Variants in ZNF888 observed in about 807,000 individuals in gnomAD.
The protein encoded by ZNF888 is CTD-2331H12.6.
Under a neutral mutation model 7.2 loss-of-function variants are expected in ZNF888, and 5 were observed. The ratio of observed to expected loss-of-function variants is 0.70; its 90% CI spans 0.36 to 1.46. The LOEUF (loss-of-function observed/expected upper bound fraction) is 1.46. Among genes scored for constraint, ZNF888 ranks in the 40% most tolerant of loss-of-function variants. The probability of loss-of-function intolerance (pLI) is 0.03; values close to 1 mark genes in which losing one functional copy is unlikely to be tolerated. For missense variants in ZNF888, 716 were observed against 858.0 expected, an observed-to-expected ratio of 0.83 and a Z score of 2.07; for synonymous variants, 240 against 284.3, an observed-to-expected ratio of 0.84 and a Z score of 1.57.
rs1291946673 is a variant in ZNF888 at position 52,915,314 on chromosome 19, C to T, written c.24G>A (p.Leu8=). Residue 8 remains leucine, a synonymous_variant, in exon 4 of 5, where the codon TTG becomes TTA. Transcript: ENST00000638862. MALPQGL[L]TFRDVAIEFS... Reference sequence around the variant, plus strand: ...ATTCTATGGCCACATCCCTGAATGTCAATAGACCCTGAAATGAAAACACAT... The same window carrying T: ...ATTCTATGGCCACATCCCTGAATGTTAATAGACCCTGAAATGAAAACACAT... 1 of 1,613,732 alleles carries T rather than the reference C, an allele frequency of 6.2e-7. No individual in the cohort carries two copies. Among genetic ancestry groups the T allele is most frequent in the African/African-American group, 1.3e-5 (1 of 74,884 alleles).
At chr19:52,913,860 T>C (rs2064714244) in intron 4 of ZNF888, 1 of 533,890 alleles carries the variant, frequency 1.9e-6, no homozygotes, top group Non-Finnish European at 2.4e-6. Context: ...GCATGGTGGC[T>C]CACGCCTGTA....
In ZNF888 at chr19:52,908,844, C is replaced by CA. The variant is rs11326533; in HGVS notation, c.143-666dup. 1.5e-3 allele frequency among the ~76,000 whole-genome samples: 119 copies of CA among 81,186 alleles called. 4 individuals are homozygous for CA. Among genetic ancestry groups the CA allele is most frequent in the African/African-American group, 2.6e-3 (55 of 21,454 alleles). The allele number at this position is 81,186 out of a possible 152,430, so 53.3% of individuals were successfully genotyped here. On this transcript the variant is annotated intron_variant, in intron 4 of 4. Coordinates refer to ENST00000638862, the MANE Select transcript of ZNF888 (RefSeq NM_001393938.1). Reference sequence around the variant, plus strand: ...CTGGGTGACAAAGTGAGACTCGAGTCAAAAAAAAAAAAAAAAAAAAGGCAG... The same window carrying CA: ...CTGGGTGACAAAGTGAGACTCGAGTCAAAAAAAAAAAAAAAAAAAAAGGCAG...
At chr19:52,923,252 C>T (rs1296289423) in intron 1 of ZNF888, 117 bp downstream of exon 1, 11 of 973,958 alleles carry the variant, frequency 1.1e-5, no homozygotes, top group Admixed American at 6.2e-5. Context: ...TCTCCATTTG[C>T]TCTTGTTGAA....
At chr19:52,915,951 G>A (rs796203461) in intron 3 of ZNF888, among the ~76,000 whole-genome samples, 1 of 151,220 alleles carries the variant, frequency 6.6e-6, no homozygotes, top group African/African-American at 2.4e-5. Context: ...CGAAGAGACA[G>A]AGCATGAGTG....
In ZNF888 at chr19:52,906,990, G is replaced by C; in HGVS notation, c.1332C>G (p.Gly444=). 1 of 1,612,694 alleles carries C rather than the reference G, an allele frequency of 6.2e-7. No individual in the cohort carries two copies. The highest frequency in any genetic ancestry group is 8.5e-7 in the Non-Finnish European group (1 of 1,179,446). ...GEKPYKCNEC[G]KVFNQQSNLA... ...GGTTTGATTGTTGATTGAAAACCTT[G>C]CCACATTCATTACACTTGTAAGGTT... Residue 444 remains glycine (G), a synonymous_variant, in exon 5 of 5, where the codon GGC becomes GGG. Coordinates refer to ENST00000638862, the MANE Select transcript of ZNF888 (RefSeq NM_001393938.1).
intron 1 of ZNF888, among the ~76,000 whole-genome samples, chr19:52,922,237 A>G (rs1215297766): frequency 2.5e-5 from 3 of 122,142 alleles, no homozygotes; most frequent in Non-Finnish European, 5.1e-5. Context: ...ATTGTTCTCA[A>G]TGTCCATAGA....
At position 52,920,026 on chromosome 19, in the gene ZNF888, A is replaced by AG. The variant is rs550283773; in HGVS notation, c.-177-1090_-177-1089insC. ...CGGCCGCCCCTACTGGGAAGTGAGG[A>AG]CCCCTCTGCCCGGCCAGCCGCCCCG... On this transcript the variant is annotated intron_variant, in intron 1 of 4. Transcript: ENST00000638862. Among the ~76,000 whole-genome samples the AG allele has an allele frequency of 6.5e-5, 3 of 46,494 alleles. 1 individual carries two copies. Among genetic ancestry groups the AG allele is most frequent in the Non-Finnish European group, 1.4e-4 (3 of 21,752 alleles). The allele number at this position is 46,494 out of a possible 152,430, so 30.5% of individuals were successfully genotyped here. A position where few individuals can be genotyped will look rare whatever the true frequency, so the allele number is the denominator to read the frequency against.
intron 4 of ZNF888, among the ~76,000 whole-genome samples, chr19:52,913,227 A>G (rs1378278048): frequency 3.9e-5 from 6 of 152,056 alleles, no homozygotes; most frequent in Admixed American, 1.3e-4. Context: ...CTGTAAATAT[A>G]TGTTAATGAA....
At chr19:52,922,818 A>G (rs992008812) in intron 1 of ZNF888, among the ~76,000 whole-genome samples, 5 of 152,138 alleles carry the variant, frequency 3.3e-5, no homozygotes, top group African/African-American at 9.7e-5. Flanking sequence ...GTGTCACAGG[A>G]CAGGCCCCGG....
At chr19:52,918,460 C>T (rs990270705) in intron 2 of ZNF888, among the ~76,000 whole-genome samples, 13 of 152,046 alleles carry the variant, frequency 8.6e-5, no homozygotes, top group African/African-American at 2.7e-4. Flanking sequence ...ATGGTGAAAC[C>T]CTGTCTGTAC....
chr19:52,910,242 C>A (rs2064662437), intron 4 of ZNF888, among the ~76,000 whole-genome samples: 1 of 149,772 alleles, frequency 6.7e-6, no homozygotes, highest in Non-Finnish European at 1.5e-5. Context: ...GAGGCTGAGG[C>A]AGGTGGATCA....
intron 4 of ZNF888, 87 bp from the exon 5 acceptor site, chr19:52,908,266 A>T: frequency 7.7e-7 from 1 of 1,301,482 alleles, no homozygotes; most frequent in Non-Finnish European, 1.1e-6. Flanking sequence ...CAAAAACAAT[A>T]CTTATTTTAA....
rs1191621530 is a variant in ZNF888, at chr19:52,920,489, CAA to C, written c.-177-1554_-177-1553del. Among the ~76,000 whole-genome samples the C allele has an allele frequency of 3.1e-3, 21 of 6,868 alleles. 1 individual carries two copies. The highest frequency in any genetic ancestry group is 7.9e-3 in the African/African-American group (20 of 2,536). 4.5% of individuals were successfully genotyped at this position (6,868 alleles called of 152,430 possible). A position where few individuals can be genotyped will look rare whatever the true frequency, so the allele number is the denominator to read the frequency against. On this transcript the variant is annotated intron_variant, in intron 1 of 4. Coordinates refer to ENST00000638862, the MANE Select transcript of ZNF888 (RefSeq NM_001393938.1). ...GCTTTGTTAAACAGATGCTTGAAGG[CAA>C]AAAAAAAAAAAAAAAAAAAAAAAAA... is the stretch of plus-strand genomic sequence containing the variant.
At chr19:52,910,286 A>G (rs968071102) in intron 4 of ZNF888, among the ~76,000 whole-genome samples, 8 of 152,106 alleles carry the variant, frequency 5.3e-5, no homozygotes, top group African/African-American at 1.9e-4. Flanking sequence ...CCTGGACAAC[A>G]TGGTGAAACC....
chr19:52,906,034 A>C lies in ZNF888; in HGVS notation c.*131T>G. The C allele has an allele frequency of 7.5e-7, 1 of 1,338,474 alleles. No individual in the cohort carries two copies. The highest frequency in any genetic ancestry group is 1.2e-5 in the South Asian group (1 of 84,406). The allele number at this position is 1,338,474 out of a possible 1,614,324, so 82.9% of individuals were successfully genotyped here. A position where few individuals can be genotyped will look rare whatever the true frequency, so the allele number is the denominator to read the frequency against. On this transcript the variant is annotated 3_prime_UTR_variant, in exon 5 of 5. Coordinates refer to ENST00000638862, the MANE Select transcript of ZNF888 (RefSeq NM_001393938.1). ...CTCTCCAGTATGAGTTCACCCATGA[A>C]CTACAGCGTATGAACGATGTCTGAA...
intron 1 of ZNF888, among the ~76,000 whole-genome samples, chr19:52,922,741 G>T (rs956516019): frequency 6.6e-6 from 1 of 152,178 alleles, no homozygotes; most frequent in Non-Finnish European, 1.5e-5. Context: ...AGGGTTTGGA[G>T]TAAGACGCCT....
intron 3 of ZNF888, among the ~76,000 whole-genome samples, chr19:52,916,810 C>T (rs935751339): frequency 4.0e-5 from 6 of 151,578 alleles, no homozygotes; most frequent in African/African-American, 1.5e-4. Context: ...ACTGCCTGGC[C>T]TGGAGGATGA....
rs2064597539 is a variant in ZNF888, at chr19:52,905,541, C to G, written c.*624G>C. The G allele has an allele frequency of 4.7e-6, 1 of 213,098 alleles. No homozygotes were observed. The highest frequency in any genetic ancestry group is 2.4e-5 in the African/African-American group (1 of 42,066). 13.2% of individuals were successfully genotyped at this position (213,098 alleles called of 1,614,324 possible). A position where few individuals can be genotyped will look rare whatever the true frequency, so the allele number is the denominator to read the frequency against. The stretch of plus-strand genomic sequence containing the variant: ...TGTTGGCCACACTAGTCTCAAACTC[C>G]TGACCTCAAGAGATCCACCCACCTT... On this transcript the variant is annotated 3_prime_UTR_variant, in exon 5 of 5. Coordinates refer to ENST00000638862, the MANE Select transcript of ZNF888 (RefSeq NM_001393938.1).
rs767549518 is a variant in ZNF888 at position 52,908,210 on chromosome 19, A to T, written c.143-31T>A. On this transcript the variant is annotated intron_variant, in intron 4 of 4. Transcript: ENST00000638862. ...AAATATAAACGCCAATAGTTTTCCA[A>T]TTCAGTACAGATAATATATAATACT... 41 of 1,588,266 alleles carry T rather than the reference A, an allele frequency of 2.6e-5. No homozygotes were observed. In the South Asian group the frequency reaches 4.5e-4, roughly 18 times the overall value.
Sources: allele counts gnomAD v4.1 joint callset (sites outside exome capture counted in the v4.1 genomes callset), GRCh38; gene constraint gnomAD v4.1.1; transcripts MANE v1.5; gene names NCBI Gene and HGNC (gene_info 2026-07-23, HGNC 2026-07-21).